Variants in RAI14 observed in about 807,000 individuals in gnomAD.
The protein encoded by RAI14 is retinoic acid induced 14, also known as ankycorbin.
A neutral mutation model predicts 115.4 loss-of-function variants in RAI14; 45 were observed. The ratio of observed to expected loss-of-function variants is 0.39; its 90% CI spans 0.31 to 0.50. RAI14 has a LOEUF of 0.50. Among genes scored for constraint, RAI14 ranks in the 20% least tolerant of loss-of-function variants. The pLI is 0.85. For missense variants in RAI14, 939 were observed against 1,131.2 expected, an observed-to-expected ratio of 0.83 and a Z score of 2.44; for synonymous variants, 371 against 415.4, an observed-to-expected ratio of 0.89 and a Z score of 1.30.
intron 3 of RAI14, among the ~76,000 whole-genome samples, chr5:34,794,171 G>A (rs1247878652): frequency 3.9e-5 from 6 of 152,040 alleles, no homozygotes; most frequent in Admixed American, 2.6e-4. Flanking sequence ...GCCTGTAATC[G>A]CAGCACTTTG....
At position 34,762,646 on chromosome 5, in the gene RAI14, G is replaced by A. The variant is rs185372508; in HGVS notation, c.167+5048G>A. Among the ~76,000 whole-genome samples, 238 of 152,324 alleles carry A rather than the reference G, an allele frequency of 1.6e-3. 1 individual carries two copies. The highest frequency in any genetic ancestry group is 6.8e-3 in the Middle Eastern group (2 of 294). The stretch of plus-strand genomic sequence containing the variant: ...AAATAGAGCAGAGCCAAGAGTTATA[G>A]CTGCAGCCTGTGTTTATGGAGTCAG... On this transcript the variant is annotated intron_variant, in intron 3 of 17. Coordinates refer to ENST00000265109, the MANE Select transcript of RAI14 (RefSeq NM_015577.3).
chr5:34,723,905 C>T (rs1354889488), intron 2 of RAI14, among the ~76,000 whole-genome samples: 1 of 152,180 alleles, frequency 6.6e-6, no homozygotes, highest in Non-Finnish European at 1.5e-5. Flanking sequence ...TTTCAATACT[C>T]ATGCTAGGAA....
intron 3 of RAI14, among the ~76,000 whole-genome samples, chr5:34,764,484 A>G (rs1186612713): frequency 6.6e-6 from 1 of 152,062 alleles, no homozygotes; most frequent in Non-Finnish European, 1.5e-5. Flanking sequence ...CAGGTGCTAC[A>G]TCGTGATACA....
At chr5:34,726,952 G>A (rs1743548000) in intron 2 of RAI14, among the ~76,000 whole-genome samples, 1 of 152,192 alleles carries the variant, frequency 6.6e-6, no homozygotes, top group African/African-American at 2.4e-5. Flanking sequence ...AGAGAATGAG[G>A]TACAGCTGTA....
chr5:34,698,569 G>A (rs1739627250), intron 2 of RAI14, among the ~76,000 whole-genome samples: 1 of 152,230 alleles, frequency 6.6e-6, no homozygotes, highest in Middle Eastern at 3.4e-3. Context: ...TAGAAGGTGA[G>A]TTAGGGGCTG....
In RAI14 at chr5:34,656,336, C is replaced by G. The variant is rs1742254397; in HGVS notation, c.-188C>G. ...CCGGGAGCTCGGCGCCCACTGACCC[C>G]CGCAGCGGGGGAGGAGGAGGGACTG... On this transcript the variant is annotated 5_prime_UTR_variant, in exon 1 of 18. Transcript: ENST00000265109. 1 of 151,952 alleles carries G rather than the reference C, an allele frequency of 6.6e-6. No individual in the cohort carries two copies. Among genetic ancestry groups the G allele is most frequent in the African/African-American group, 2.4e-5 (1 of 41,402 alleles). 9.4% of individuals were successfully genotyped at this position (151,952 alleles called of 1,614,324 possible).
chr5:34,766,987 T>A (rs1749468115), intron 3 of RAI14, among the ~76,000 whole-genome samples: 1 of 152,150 alleles, frequency 6.6e-6, no homozygotes, highest in African/African-American at 2.4e-5. Context: ...TTCGTCATTT[T>A]TCTCTTGCCA....
chr5:34,727,305 T>G (rs1351120455), intron 2 of RAI14, among the ~76,000 whole-genome samples: 1 of 152,214 alleles, frequency 6.6e-6, no homozygotes, highest in Non-Finnish European at 1.5e-5. Context: ...AAGAAATTTC[T>G]AAGCGGCAAA....
chr5:34,695,763 C>T (rs1739150908), intron 2 of RAI14, among the ~76,000 whole-genome samples: 2 of 150,830 alleles, frequency 1.3e-5, no homozygotes, highest in Admixed American at 1.3e-4. Context: ...GCTCTAAGAA[C>T]CAGAAAGAAG....
chr5:34,717,505 G>A (rs374058948), intron 2 of RAI14, among the ~76,000 whole-genome samples: 1 of 152,208 alleles, frequency 6.6e-6, no homozygotes, highest in African/African-American at 2.4e-5. Context: ...GGGCGGGGGG[G>A]AATCCTTGTG....
At chr5:34,825,404 C>T (rs111626056) in intron 15 of RAI14, among the ~76,000 whole-genome samples, 2 of 152,304 alleles carry the variant, frequency 1.3e-5, no homozygotes, top group African/African-American at 4.8e-5. Context: ...AGTGAACCTG[C>T]AAACTGGAAA....
Position 34,768,389 on chromosome 5 carries a change from C to T in RAI14, c.167+10791C>T, listed in dbSNP as rs115865061. Reference sequence around the variant, plus strand: ...AGATAAATACCTAGGTAACAAAAACCGTGTCATTCATTCAGCCAACAGTTT... The same window carrying T: ...AGATAAATACCTAGGTAACAAAAACTGTGTCATTCATTCAGCCAACAGTTT... On this transcript the variant is annotated intron_variant, in intron 3 of 17. Coordinates refer to ENST00000265109, the MANE Select transcript of RAI14 (RefSeq NM_015577.3). Among the ~76,000 whole-genome samples, 429 of 152,250 alleles carry T rather than the reference C, an allele frequency of 2.8e-3. 2 individuals are homozygous for T. Among genetic ancestry groups the T allele is most frequent in the African/African-American group, 9.7e-3 (404 of 41,552 alleles).
chr5:34,828,975 TAAAG>T (rs770483158), intron 16 of RAI14, among the ~76,000 whole-genome samples: 12 of 152,106 alleles, frequency 7.9e-5, no homozygotes, highest in East Asian at 3.9e-4. Context: ...AGTTGAAAAA[TAAAG>T]AAAACTCTAA....
chr5:34,749,104 C>T (rs1301467570), intron 2 of RAI14, among the ~76,000 whole-genome samples: 1 of 152,176 alleles, frequency 6.6e-6, no homozygotes, highest in East Asian at 1.9e-4. Flanking sequence ...AATCTGAAAC[C>T]TTCCCAGTGA....
At chr5:34,743,567 T>G (rs1168163688) in intron 2 of RAI14, among the ~76,000 whole-genome samples, 1 of 152,200 alleles carries the variant, frequency 6.6e-6, no homozygotes, top group African/African-American at 2.4e-5. Flanking sequence ...AGGACACTAT[T>G]GAACCCCCAC....
intron 1 of RAI14, among the ~76,000 whole-genome samples, chr5:34,665,379 T>C (rs890370133): frequency 4.0e-5 from 6 of 150,766 alleles, no homozygotes; most frequent in African/African-American, 1.2e-4. Context: ...TTTTGCTGGC[T>C]GAAGTGATAG....
At chr5:34,793,239 T>C (rs764795151) in intron 3 of RAI14, among the ~76,000 whole-genome samples, 13 of 152,198 alleles carry the variant, frequency 8.5e-5, no homozygotes, top group Non-Finnish European at 1.6e-4. Flanking sequence ...CAAGTGATGA[T>C]CCTGAAACTC....
In RAI14 at chr5:34,823,598, G is replaced by T. The variant is rs760620322; in HGVS notation, c.1756G>T (p.Val586Phe). The T allele has an allele frequency of 2.5e-6, 4 of 1,614,094 alleles. No homozygotes were observed. The highest frequency in any genetic ancestry group is 3.4e-6 in the Non-Finnish European group (4 of 1,180,046). ...YEEMKSSYCS[V>F]IENMNKEKAF... ...GGAAATGAAAAGTTCATATTGCTCT[G>T]TTATTGAGAATATGAATAAGGAGAA... The change falls in exon 15 of 18, where the codon GTT becomes TTT. Residue 586 changes from valine (V) to phenylalanine (F), a missense_variant. Val to Phe is a conservative substitution (Grantham distance 50). Transcript: ENST00000265109. The surrounding 1 kb of genome is among the most constrained non-coding windows in gnomAD (Gnocchi z 4.5).
At chr5:34,718,383 A>G (rs1742250524) in intron 2 of RAI14, among the ~76,000 whole-genome samples, 1 of 152,250 alleles carries the variant, frequency 6.6e-6, no homozygotes, top group Non-Finnish European at 1.5e-5. Flanking sequence ...GAGTTCACAG[A>G]TCTTTAAGAA....
Sources: allele counts gnomAD v4.1 joint callset (sites outside exome capture counted in the v4.1 genomes callset), GRCh38; gene constraint gnomAD v4.1.1; non-coding constraint Gnocchi (gnomAD v3.1); transcripts MANE v1.5; gene names NCBI Gene and HGNC (gene_info 2026-07-23, HGNC 2026-07-21).